PRKN: variants seen among roughly 807,000 people sequenced by gnomAD.
PRKN encodes parkin RBR E3 ubiquitin protein ligase, also known as E3 ubiquitin-protein ligase parkin.
A neutral mutation model predicts 59.5 loss-of-function variants in PRKN; 56 were observed. The ratio of observed to expected loss-of-function variants is 0.94; its 90% CI spans 0.76 to 1.18. The LOEUF is 1.18. PRKN is among the 50% of genes most tolerant of loss of function. The probability of loss-of-function intolerance (pLI) is 0.00; values close to 1 mark genes in which losing one functional copy is unlikely to be tolerated. For missense variants in PRKN, 657 were observed against 596.4 expected (o/e 1.10, Z -1.06); for synonymous variants, 250 against 222.1 (o/e 1.13, Z -1.12).
At chr6:162,254,468 A>AG (rs1156554399) in intron 3 of PRKN, among the ~76,000 whole-genome samples, 1 of 151,932 alleles carries the variant, frequency 6.6e-6, no homozygotes, top group Non-Finnish European at 1.5e-5. Context: ...AAAAAAAAAA[A>AG]AAGGAAATAT....
rs1779313190 is a variant in PRKN, at chr6:161,533,838, C to A, written c.1083+15016G>T. Among the ~76,000 whole-genome samples, 1 of 152,034 alleles carries A rather than the reference C, an allele frequency of 6.6e-6. No homozygotes were observed. The highest frequency in any genetic ancestry group is 2.4e-5 in the African/African-American group (1 of 41,404). Reference sequence around the variant, plus strand: ...AATTTTCTTGGCGTGAGATAAGGAACCCTGGGGATTTACCCTAGACTACGA... The same window carrying A: ...AATTTTCTTGGCGTGAGATAAGGAAACCTGGGGATTTACCCTAGACTACGA... On this transcript the variant is annotated intron_variant, in intron 9 of 11. Coordinates refer to ENST00000366898, the MANE Select transcript of PRKN (RefSeq NM_004562.3). This position sits in a 1 kb window ranked among gnomAD's most constrained non-coding sequence, Gnocchi z 4.1.
At chr6:161,737,256 G>A (rs538566073) in intron 7 of PRKN, among the ~76,000 whole-genome samples, 1 of 152,204 alleles carries the variant, frequency 6.6e-6, no homozygotes, top group Non-Finnish European at 1.5e-5. Context: ...AAAGGGGAAT[G>A]AACTAAATCA....
At chr6:162,018,897 A>G (rs1783028504) in intron 5 of PRKN, among the ~76,000 whole-genome samples, 1 of 152,196 alleles carries the variant, frequency 6.6e-6, no homozygotes, top group South Asian at 2.1e-4. Context: ...ACCTGTTTTT[A>G]TATTATTATT....
chr6:161,862,104 C>T (rs1793927723), intron 6 of PRKN, among the ~76,000 whole-genome samples: 1 of 152,160 alleles, frequency 6.6e-6, no homozygotes, highest in African/African-American at 2.4e-5. Context: ...TTAGGGCCCA[C>T]CCAGATAATC....
In PRKN at chr6:161,634,572, A is replaced by C. The variant is rs142564378; in HGVS notation, c.872-65156T>G. ...CTTACTTTCTACTCAACTCACCCCA[A>C]GAACAGGCACGAGGACTCAAGGAGA... On this transcript the variant is annotated intron_variant, in intron 7 of 11. Coordinates refer to ENST00000366898, the MANE Select transcript of PRKN (RefSeq NM_004562.3). Among the ~76,000 whole-genome samples the C allele has an allele frequency of 3.9e-3, 592 of 152,324 alleles. 6 individuals carry two copies. The highest frequency in any genetic ancestry group is 0.01 in the Middle Eastern group (3 of 292).
chr6:162,230,745 C>G (rs1401378295), intron 3 of PRKN, among the ~76,000 whole-genome samples: 1 of 152,186 alleles, frequency 6.6e-6, no homozygotes, highest in Non-Finnish European at 1.5e-5. Context: ...GAATTGCATT[C>G]TACAAGAAAC....
rs772055546 is a variant in PRKN, at chr6:161,360,056, A to T, written c.1285+32T>A. On this transcript the variant is annotated intron_variant, in intron 11 of 11. Coordinates refer to ENST00000366898, the MANE Select transcript of PRKN (RefSeq NM_004562.3). The surrounding 1 kb of genome is among the most constrained non-coding windows in gnomAD (Gnocchi z 5.1). ...ATGATTCTCCCCCAAAGAGCACACG[A>T]CATCCTCATTCTCTGCTCAGCACAG... The T allele has an allele frequency of 6.9e-7, 1 of 1,459,596 alleles. No homozygotes were observed. The highest frequency in any genetic ancestry group is 1.1e-5 in the South Asian group (1 of 88,180). The allele number at this position is 1,459,596 out of a possible 1,614,324, so 90.4% of individuals were successfully genotyped here. A position where few individuals can be genotyped will look rare whatever the true frequency, so the allele number is the denominator to read the frequency against.
intron 5 of PRKN, among the ~76,000 whole-genome samples, chr6:161,996,584 G>A (rs112653807): frequency 8.5e-5 from 13 of 152,114 alleles, no homozygotes; most frequent in African/African-American, 3.1e-4. Context: ...AAATTTACAT[G>A]TAACTGGTAT....
intron 2 of PRKN, among the ~76,000 whole-genome samples, chr6:162,355,497 T>C (rs1445135015): frequency 6.6e-6 from 1 of 151,914 alleles, no homozygotes; most frequent in Non-Finnish European, 1.5e-5. Context: ...AGGAAATACC[T>C]CTAAACAATA....
At chr6:162,373,167 T>C (rs1176720049) in intron 2 of PRKN, among the ~76,000 whole-genome samples, 2 of 152,194 alleles carry the variant, frequency 1.3e-5, no homozygotes, top group Admixed American at 6.5e-5. Context: ...GTTTAAATGG[T>C]TAACGATGTG....
chr6:162,301,518 A>G (rs1781950905), intron 2 of PRKN, among the ~76,000 whole-genome samples: 1 of 152,024 alleles, frequency 6.6e-6, no homozygotes, highest in African/African-American at 2.4e-5. Flanking sequence ...CAAGTCCAAA[A>G]TCAAAGTATC....
At chr6:162,076,299 C>T (rs1778825558) in intron 4 of PRKN, among the ~76,000 whole-genome samples, 1 of 152,062 alleles carries the variant, frequency 6.6e-6, no homozygotes, top group Admixed American at 6.5e-5. Context: ...CAAAAAAAAC[C>T]AAATAAGATT....
chr6:162,683,792 A>G (rs1413628862), intron 1 of PRKN, among the ~76,000 whole-genome samples: 1 of 152,152 alleles, frequency 6.6e-6, no homozygotes, highest in South Asian at 2.1e-4. Context: ...CAACTTTGGA[A>G]ATAATACTTT....
chr6:161,406,733 A>C (rs1787295517), intron 9 of PRKN, among the ~76,000 whole-genome samples: 1 of 152,210 alleles, frequency 6.6e-6, no homozygotes, highest in Non-Finnish European at 1.5e-5. Flanking sequence ...GTGATGAGCA[A>C]GCATTTCAAA....
At chr6:161,477,031 T>C (rs546234870) in intron 9 of PRKN, among the ~76,000 whole-genome samples, 2 of 152,318 alleles carry the variant, frequency 1.3e-5, no homozygotes, top group African/African-American at 2.4e-5. Context: ...ACTTGGATGA[T>C]GTTGGAGAGT....
In PRKN at chr6:161,407,321, A is replaced by G. The variant is rs1787323446; in HGVS notation, c.1084-20444T>C. Among the ~76,000 whole-genome samples, 1 of 152,032 alleles carries G rather than the reference A, an allele frequency of 6.6e-6. No individual in the cohort carries two copies. The highest frequency in any genetic ancestry group is 2.4e-5 in the African/African-American group (1 of 41,370). On this transcript the variant is annotated intron_variant, in intron 9 of 11. Coordinates refer to ENST00000366898, the MANE Select transcript of PRKN (RefSeq NM_004562.3). The surrounding 1 kb of genome is among the most constrained non-coding windows in gnomAD (Gnocchi z 4.9). The stretch of plus-strand genomic sequence containing the variant: ...TATTGCTTCTCATTTGGCAAAGCTG[A>G]AAAGGGAGGGGCTGGGGAAGGGGGC...
intron 5 of PRKN, among the ~76,000 whole-genome samples, chr6:161,983,917 A>AT (rs1196950038): frequency 1.3e-5 from 2 of 151,674 alleles, no homozygotes; most frequent in East Asian, 3.9e-4. Context: ...AAAAAAAAAA[A>AT]AAATAAAATA....
At chr6:162,503,781 TGAAAG>T (rs1251528818) in intron 1 of PRKN, among the ~76,000 whole-genome samples, 8 of 152,078 alleles carry the variant, frequency 5.3e-5, no homozygotes, top group Non-Finnish European at 1.2e-4. Flanking sequence ...TTTCAGATAT[TGAAAG>T]GAGAGAAGAC....
intron 7 of PRKN, among the ~76,000 whole-genome samples, chr6:161,696,877 G>T (rs1005718317): frequency 6.6e-6 from 1 of 152,092 alleles, no homozygotes. Flanking sequence ...CCAACTTCCC[G>T]ATTTGCTGAT....
Sources: gnomAD v4.1 joint callset for allele counts (sites outside exome capture counted in the v4.1 genomes callset) on GRCh38, gnomAD v4.1.1 for gene constraint, Gnocchi (gnomAD v3.1) non-coding constraint, MANE v1.5 for transcripts, NCBI Gene and HGNC (gene_info 2026-07-23, HGNC 2026-07-21) for gene names.